SYNE2: variants seen among roughly 807,000 people sequenced by gnomAD.
SYNE2 encodes nesprin-2.
SYNE2 carries 431 observed loss-of-function variants against 856.3 expected under a neutral mutation model. The ratio of observed to expected loss-of-function variants is 0.50; its 90% CI spans 0.47 to 0.55. The LOEUF is 0.55. Ranked by LOEUF, SYNE2 falls within the 20% of genes least tolerant of loss-of-function variation. SYNE2 has a pLI of 0.00. For missense variants in SYNE2, 8,129 were observed against 8,023.2 expected (o/e 1.01, Z -0.50); for synonymous variants, 2,923 against 2,872.3 (o/e 1.02, Z -0.56).
At chr14:64,215,438 T>A in intron 107 of SYNE2, 84 bp downstream of exon 107, 2 of 1,333,138 alleles carry the variant, frequency 1.5e-6, no homozygotes, top group Non-Finnish European at 2.2e-6. Flanking sequence ...ATGTCGTGTC[T>A]ACCTCTGCCT....
At chr14:64,001,874 G>A in intron 28 of SYNE2, 60 bp from the exon 29 acceptor site, 3 of 1,581,914 alleles carry the variant, frequency 1.9e-6, no homozygotes, top group Non-Finnish European at 2.6e-6. Context: ...GTGTTAATCA[G>A]TTTCATAGGA....
At chr14:64,021,541 T>C in intron 36 of SYNE2, 26 bp downstream of exon 36, 1 of 1,611,924 alleles carries the variant, frequency 6.2e-7, no homozygotes, top group South Asian at 1.1e-5. Context: ...TTGTCTTCTG[T>C]GGTTCAGATT....
chr14:63,764,433 G>C (rs1886597375), intron 1 of SYNE2, among the ~76,000 whole-genome samples: 2 of 152,074 alleles, frequency 1.3e-5, no homozygotes, highest in South Asian at 4.1e-4. Context: ...ACTTTGAGAG[G>C]CCATAGCGGG....
At chr14:64,091,431 C>T (rs576810205) in intron 60 of SYNE2, among the ~76,000 whole-genome samples, 7 of 152,242 alleles carry the variant, frequency 4.6e-5, no homozygotes, top group African/African-American at 1.4e-4. Flanking sequence ...CATTACCAAA[C>T]GTGATGTAGG....
At chr14:63,944,645 C>G (rs2095992003) in intron 6 of SYNE2, among the ~76,000 whole-genome samples, 1 of 149,572 alleles carries the variant, frequency 6.7e-6, no homozygotes, top group Non-Finnish European at 1.5e-5. Flanking sequence ...CTTAGCCTCC[C>G]AAGTAGCTGG....
At position 64,143,792 on chromosome 14, in the gene SYNE2, C is replaced by G. The variant is rs1485242691; in HGVS notation, c.15327C>G (p.Asp5109Glu). The change falls in exon 83 of 116, where the codon GAC becomes GAG. Residue 5109 changes from aspartate (D) to glutamate (E), a missense_variant. Coordinates refer to ENST00000555002, the MANE Select transcript of SYNE2 (RefSeq NM_182914.3). Reference protein sequence around the residue: ...QKHKEFRMEMDYKQWIVDFVN... With the variant: ...QKHKEFRMEMEYKQWIVDFVN... ...TTTAGGAGTTTAGAATGGAAATGGACTATAAACAGTGGATAGTTGACTTCG... is the reference window on the plus strand; with the variant it reads ...TTTAGGAGTTTAGAATGGAAATGGAGTATAAACAGTGGATAGTTGACTTCG... 6.2e-7 allele frequency: 1 copy of G among 1,614,126 alleles called. No individual in the cohort carries two copies. Among genetic ancestry groups the G allele is most frequent in the Non-Finnish European group, 8.5e-7 (1 of 1,180,014 alleles).
chr14:64,209,701 C>A, intron 102 of SYNE2, 123 bp downstream of exon 102: 1 of 1,390,542 alleles, frequency 7.2e-7, no homozygotes, highest in Non-Finnish European at 9.9e-7. Flanking sequence ...GCTGCCTAAA[C>A]CACAGCCTGC....
At chr14:64,030,158 T>G in intron 44 of SYNE2, 99 bp downstream of exon 44, 1 of 1,121,610 alleles carries the variant, frequency 8.9e-7, no homozygotes, top group Non-Finnish European at 1.3e-6. Context: ...ATTCCAGTGG[T>G]ATTCAGATGA....
intron 1 of SYNE2, among the ~76,000 whole-genome samples, chr14:63,857,982 T>G (rs1417259294): frequency 1.3e-5 from 2 of 152,196 alleles, no homozygotes; most frequent in Non-Finnish European, 2.9e-5. Context: ...GGCTCATGGT[T>G]CTAGAATCTG....
chr14:63,943,888 A>C (rs1255856), intron 6 of SYNE2, among the ~76,000 whole-genome samples: 102,916 of 151,526 alleles, frequency 0.68, 35,198 homozygotes, highest in South Asian at 0.78. Flanking sequence ...TCAGGCTGGT[A>C]TTGAACTCCT....
At chr14:64,142,173 G>A in intron 82 of SYNE2, 85 bp downstream of exon 82, 1 of 1,519,420 alleles carries the variant, frequency 6.6e-7, no homozygotes, top group African/African-American at 1.4e-5. Flanking sequence ...GGACACATAG[G>A]ATATAATTTC....
intron 57 of SYNE2, chr14:64,087,284 A>C (rs1404926827): frequency 2.7e-6 from 1 of 374,674 alleles, no homozygotes; most frequent in African/African-American, 2.1e-5. Flanking sequence ...AATTACCTGA[A>C]GAGTACATTA....
At chr14:64,041,979 AC>A (rs2097152146) in intron 45 of SYNE2, among the ~76,000 whole-genome samples, 1 of 152,242 alleles carries the variant, frequency 6.6e-6, no homozygotes, top group Non-Finnish European at 1.5e-5. Flanking sequence ...GCACACTACT[AC>A]CAGTAATTTT....
intron 99 of SYNE2, among the ~76,000 whole-genome samples, chr14:64,200,607 ATTCTGTTACT>A (rs1430340070): frequency 6.6e-6 from 1 of 152,178 alleles, no homozygotes. Flanking sequence ...CTGGTCCTGG[ATTCTGTTACT>A]TTCTTTTTAA....
chr14:64,167,469 G>T, intron 91 of SYNE2, 26 bp from the exon 92 acceptor site: 1 of 1,614,210 alleles, frequency 6.2e-7, no homozygotes, highest in South Asian at 1.1e-5. Context: ...GTTAACATGG[G>T]TGTGTTTTGT....
intron 8 of SYNE2, among the ~76,000 whole-genome samples, chr14:63,959,287 CTTTTTTTT>C (rs34198434): frequency 3.7e-5 from 3 of 81,374 alleles, no homozygotes; most frequent in Admixed American, 1.4e-4. Context: ...TTTTCTTCTT[CTTTTTTTT>C]TTTTTTTTTT....
intron 1 of SYNE2, among the ~76,000 whole-genome samples, chr14:63,890,953 A>G (rs1595465921): frequency 6.6e-6 from 1 of 152,230 alleles, no homozygotes; most frequent in East Asian, 1.9e-4. Context: ...AGTGCCTGAT[A>G]TAGTGCCTGG....
At chr14:63,818,024 C>CAAAA (rs34186501) in intron 1 of SYNE2, among the ~76,000 whole-genome samples, 730 of 64,474 alleles carry the variant, frequency 0.011, 16 homozygotes, top group South Asian at 0.022. Flanking sequence ...GACCCTTTCT[C>CAAAA]AAAAAAAAAA....
At chr14:63,873,322 TC>T (rs1216613216) in intron 1 of SYNE2, 2 of 152,184 alleles carry the variant, frequency 1.3e-5, no homozygotes, top group Admixed American at 1.3e-4. Flanking sequence ...AAGATTAATT[TC>T]CCCATATTTC....
Sources: gnomAD v4.1 joint callset for allele counts (sites outside exome capture counted in the v4.1 genomes callset) on GRCh38, gnomAD v4.1.1 for gene constraint, MANE v1.5 for transcripts, NCBI Gene and HGNC (gene_info 2026-07-23, HGNC 2026-07-21) for gene names.